GRK7: variants seen among roughly 807,000 people sequenced by gnomAD.
GRK7 encodes the protein G protein-coupled receptor kinase 7.
GRK7 carries 24 observed loss-of-function variants against 34.1 expected under a neutral mutation model. The observed-to-expected ratio is 0.70, with a 90% CI of 0.51 to 0.99. The LOEUF (loss-of-function observed/expected upper bound fraction) is 0.99, where lower values mean the gene tolerates loss of function less well. Ranked by LOEUF, GRK7 falls within the 50% of genes least tolerant of loss-of-function variation. The pLI, the probability that GRK7 is intolerant of heterozygous loss-of-function variation, is 0.00. For synonymous variants in GRK7, 256 were observed against 279.4 expected (o/e 0.92, Z 0.84); for missense variants, 644 against 707.3 (o/e 0.91, Z 1.02).
At chr3:141,815,299 G>C (rs1711141277) in intron 5 of GRK7, among the ~76,000 whole-genome samples, 1 of 151,798 alleles carries the variant, frequency 6.6e-6, no homozygotes, top group Middle Eastern at 3.2e-3. Flanking sequence ...GTATGAGATG[G>C]TATCTCATTG....
chr3:141,811,264 G>A (rs554789437), intron 5 of GRK7, among the ~76,000 whole-genome samples: 31 of 151,890 alleles, frequency 2.0e-4, no homozygotes, highest in African/African-American at 7.5e-4. Flanking sequence ...GTTGAAGTGA[G>A]CCAAGATCGC....
Position 141,816,914 on chromosome 3 carries a change from C to T in GRK7, c.1526C>T (p.Ala509Val), listed in dbSNP as rs763818567. Residue 509 changes from alanine to valine, a missense_variant, in exon 6 of 6, where the codon GCG becomes GTG. Physicochemically the swap from Ala to Val is moderately conservative, Grantham distance 64. Coordinates refer to ENST00000682958, the MANE Select transcript of GRK7 (RefSeq NM_139209.3). ...DKDKQFFKNF[A>V]TGAVPIAWQE... ...GATAAGCAGTTCTTCAAAAACTTTG[C>T]GACAGGTGCTGTTCCTATAGCATGG... The T allele has an allele frequency of 1.5e-5, 24 of 1,613,998 alleles. No individual in the cohort carries two copies. Among genetic ancestry groups the T allele is most frequent in the East Asian group, 2.2e-5 (1 of 44,880 alleles).
chr3:141,813,736 A>ATTAAGTTTCTCT lies in GRK7; in HGVS notation c.1326-2975_1326-2964dup, dbSNP rs1559849095. Among the ~76,000 whole-genome samples, 5 of 152,204 alleles carry ATTAAGTTTCTCT rather than the reference A, an allele frequency of 3.3e-5. No individual in the cohort carries two copies. The South Asian group carries it at 1.0e-3, about 31-fold the overall frequency. ...ATCACTGGATCATCAGATGCCTCCA[A>ATTAAGTTTCTCT]TTAAGTTTCTCTTTTCATAATAAAA... is the stretch of plus-strand genomic sequence containing the variant. On this transcript the variant is annotated intron_variant, in intron 5 of 5. Coordinates refer to ENST00000682958, the MANE Select transcript of GRK7 (RefSeq NM_139209.3).
rs867041358 is a variant in GRK7, at chr3:141,780,502, C to A, written c.741C>A (p.Ser247Arg). ...AAAAGGAAATCTTGGAGAAGGTCAG[C>A]AGCCCTTTCATTGTCTCTCTGGCCT... Reference protein sequence around the residue: ...LLEKEILEKVSSPFIVSLAYA... With the variant: ...LLEKEILEKVRSPFIVSLAYA... Residue 247 changes from serine to arginine, a missense_variant, in exon 4 of 6, where the codon AGC (serine) becomes AGA (arginine). Ser to Arg is a moderately radical substitution (Grantham distance 110, BLOSUM62 -1). Transcript: ENST00000682958. The A allele has an allele frequency of 1.2e-6, 2 of 1,614,114 alleles. No individual in the cohort carries two copies. The highest frequency in any genetic ancestry group is 2.7e-5 in the African/African-American group (2 of 74,928).
intron 4 of GRK7, among the ~76,000 whole-genome samples, chr3:141,805,572 GA>G (rs1711028852): frequency 6.6e-6 from 1 of 152,170 alleles, no homozygotes; most frequent in African/African-American, 2.4e-5. Context: ...CAGCTTCTCT[GA>G]AAACAGCACT....
At chr3:141,804,478 C>A (rs1342145397) in intron 4 of GRK7, among the ~76,000 whole-genome samples, 1 of 152,138 alleles carries the variant, frequency 6.6e-6, no homozygotes, top group Non-Finnish European at 1.5e-5. Context: ...GGATAGCCTT[C>A]TAGGTGTTTC....
chr3:141,794,154 T>C (rs1253088973), intron 4 of GRK7, among the ~76,000 whole-genome samples: 1 of 152,168 alleles, frequency 6.6e-6, no homozygotes, highest in African/African-American at 2.4e-5. Flanking sequence ...AGGGGGACTG[T>C]GTGAGCTGAG....
chr3:141,753,530 T>A, the GRK7 span, among the ~76,000 whole-genome samples: 4 of 152,160 alleles, frequency 2.6e-5, no homozygotes, highest in Non-Finnish European at 5.9e-5. Context: ...CATGCACAGT[T>A]CACAATAGGG....
Position 141,816,929 on chromosome 3 carries a change from C to T in GRK7, c.1541C>T (p.Pro514Leu). 6.2e-7 allele frequency: 1 copy of T among 1,614,050 alleles called. No homozygotes were observed. The highest frequency in any genetic ancestry group is 8.5e-7 in the Non-Finnish European group (1 of 1,179,972). ...AAAAACTTTGCGACAGGTGCTGTTC[C>T]TATAGCATGGCAGGAAGAAATTATA... ...FFKNFATGAVPIAWQEEIIET... is the reference protein window; with the variant it reads ...FFKNFATGAVLIAWQEEIIET... Residue 514 changes from proline (P) to leucine (L), a missense_variant, in exon 6 of 6, where the codon CCT becomes CTT. Transcript: ENST00000682958.
At chr3:141,775,153 A>G (rs2084633399) in intron 2 of GRK7, among the ~76,000 whole-genome samples, 1 of 152,112 alleles carries the variant, frequency 6.6e-6, no homozygotes, top group African/African-American at 2.4e-5. Context: ...GTAATTTAGC[A>G]CTTTGGGAGG....
chr3:141,779,648 A>T (rs1276209819), intron 3 of GRK7, among the ~76,000 whole-genome samples: 2 of 152,008 alleles, frequency 1.3e-5, no homozygotes, highest in Non-Finnish European at 2.9e-5. Context: ...GATCCAAGAC[A>T]CTCTCATCAC....
At chr3:141,770,994 CAAAA>C (rs55988355) in intron 1 of GRK7, among the ~76,000 whole-genome samples, 1 of 84,758 alleles carries the variant, frequency 1.2e-5, no homozygotes. Context: ...TACCCAGTCT[CAAAA>C]AAAAAAAAAA....
intron 4 of GRK7, among the ~76,000 whole-genome samples, chr3:141,789,114 C>T (rs1371538500): frequency 6.6e-6 from 1 of 152,048 alleles, no homozygotes; most frequent in Non-Finnish European, 1.5e-5. Context: ...TGCACCTGGC[C>T]TAGGAGGAAA....
Position 141,795,594 on chromosome 3 carries a change from T to C in GRK7, c.1051-12051T>C, listed in dbSNP as rs2084745242. On this transcript the variant is annotated intron_variant, in intron 4 of 5. Coordinates refer to ENST00000682958, the MANE Select transcript of GRK7 (RefSeq NM_139209.3). Reference sequence around the variant, plus strand: ...GTTGCACAAGGGGAGTTTGAACCTATTGGCAAGGGTGCTGGGGAACCGATG... The same window carrying C: ...GTTGCACAAGGGGAGTTTGAACCTACTGGCAAGGGTGCTGGGGAACCGATG... Among the ~76,000 whole-genome samples the C allele has an allele frequency of 2.6e-5, 4 of 152,028 alleles. No homozygotes were observed. The South Asian group carries it at 8.3e-4, about 32-fold the overall frequency.
chr3:141,802,182 G>A (rs1246593149), intron 4 of GRK7, among the ~76,000 whole-genome samples: 3 of 151,952 alleles, frequency 2.0e-5, no homozygotes, highest in South Asian at 2.1e-4. Flanking sequence ...GAGAGACCCC[G>A]TCTGTACCAA....
At chr3:141,762,370 T>A (rs999419285), upstream of GRK7, among the ~76,000 whole-genome samples, 4 of 146,352 alleles carry the variant, frequency 2.7e-5, no homozygotes, top group South Asian at 2.4e-4. Context: ...TGGAATACCC[T>A]GCCGTGTGAG....
At chr3:141,766,121 C>G (rs985895710) in intron 1 of GRK7, among the ~76,000 whole-genome samples, 1 of 149,996 alleles carries the variant, frequency 6.7e-6, no homozygotes, top group African/African-American at 2.4e-5. Context: ...ATAACTCCCT[C>G]TACCCCACCA....
At chr3:141,754,324 G>A in the GRK7 span, among the ~76,000 whole-genome samples, 1 of 151,810 alleles carries the variant, frequency 6.6e-6, no homozygotes, top group Admixed American at 6.6e-5. Context: ...CAAGATGAAT[G>A]CTGTATTTTC....
In GRK7 at chr3:141,773,119, G is replaced by A. The variant is rs1416427949; in HGVS notation, c.-214-1461G>A. 2.2e-5 allele frequency among the ~76,000 whole-genome samples: 3 copies of A among 134,124 alleles called. No individual in the cohort carries two copies. The Admixed American group carries it at 2.4e-4, about 11-fold the overall frequency. The allele number at this position is 134,124 out of a possible 152,430, so 88.0% of individuals were successfully genotyped here. On this transcript the variant is annotated intron_variant, in intron 1 of 5. Transcript: ENST00000682958. ...CCACTGCACTCCAGCCTGGCCAACAGAGCGAGACTTTGTCTCAAAAAAAAA... is the reference window on the plus strand; with the variant it reads ...CCACTGCACTCCAGCCTGGCCAACAAAGCGAGACTTTGTCTCAAAAAAAAA...
Sources: allele counts gnomAD v4.1 joint callset (sites outside exome capture counted in the v4.1 genomes callset), GRCh38; gene constraint gnomAD v4.1.1; transcripts MANE v1.5; gene names NCBI Gene and HGNC (gene_info 2026-07-23, HGNC 2026-07-21).